The following S100A5 variants were observed in gnomAD, a reference collection of about 807,000 sequenced individuals.
The protein encoded by S100A5 is protein S100-A5.
In S100A5, 5 loss-of-function variants were observed where a neutral mutation model predicts 6.7. The ratio of observed to expected loss-of-function variants is 0.75; its 90% CI spans 0.39 to 1.57. The LOEUF is 1.57. S100A5 is among the 40% of genes most tolerant of loss of function. The pLI is 0.03. For synonymous variants in S100A5, 49 were observed against 44.9 expected (o/e 1.09, Z -0.37); for missense variants, 129 against 110.8 (o/e 1.16, Z -0.74).
chr1:153,541,608 T>TGGG, upstream of S100A5: 3 of 1,203,796 alleles, frequency 2.5e-6, no homozygotes, highest in South Asian at 4.5e-5. Flanking sequence ...AAACAAGGGC[T>TGGG]GGGGACACAC....
chr1:153,541,535 C>A, upstream of S100A5: 1 of 1,318,886 alleles, frequency 7.6e-7, no homozygotes, highest in African/African-American at 1.5e-5. Context: ...ATGCCCACGT[C>A]AGAGCCTCCC....
upstream of S100A5, chr1:153,541,324 C>T (rs974031641): frequency 4.8e-5 from 62 of 1,297,256 alleles, no homozygotes; most frequent in Non-Finnish European, 6.3e-5. Context: ...TTGTCACCCT[C>T]ATCATCCAGC....
chr1:153,541,477 A>G (rs1296400244), upstream of S100A5: 1 of 1,366,606 alleles, frequency 7.3e-7, no homozygotes, highest in Non-Finnish European at 9.8e-7. Context: ...TGTCCCTAGG[A>G]ATCCAGGGGA....
rs1031786902 is a variant in S100A5, at chr1:153,540,845, T to G, written c.-239A>C. The stretch of plus-strand genomic sequence containing the variant: ...AGGGGGCCTCTTGAAATCTCCAGGA[T>G]CATTCCAAAACCTGGATCCAGAGGC... On this transcript the variant is annotated 5_prime_UTR_variant, in exon 1 of 3. Transcript: ENST00000368717. 3.3e-5 allele frequency among the ~76,000 whole-genome samples: 5 copies of G among 152,062 alleles called. No individual in the cohort carries two copies. In the East Asian group the frequency reaches 9.7e-4, roughly 29 times the overall value.
chr1:153,542,262 A>G (rs375582545), upstream of S100A5, among the ~76,000 whole-genome samples: 18 of 152,302 alleles, frequency 1.2e-4, no homozygotes, highest in East Asian at 2.3e-3. Flanking sequence ...TGTAGTACCT[A>G]TCACTGCTGC....
upstream of S100A5, chr1:153,541,462 A>G (rs755199522): frequency 7.3e-7 from 1 of 1,367,486 alleles, no homozygotes; most frequent in South Asian, 1.1e-5. Context: ...TATTTCCCTG[A>G]TCTCTGTCCC....
At chr1:153,539,002 T>C (rs73026308) in intron 2 of S100A5, among the ~76,000 whole-genome samples, 5,628 of 152,122 alleles carry the variant, frequency 0.037, 361 homozygotes, top group African/African-American at 0.13. Flanking sequence ...TGGTGGTATT[T>C]GCTTGTAGTC....
At chr1:153,537,746 C>T (rs1251674141) in intron 2 of S100A5, among the ~76,000 whole-genome samples, 1 of 152,182 alleles carries the variant, frequency 6.6e-6, no homozygotes, top group African/African-American at 2.4e-5. Context: ...ATACCAACAC[C>T]TGATAAAAAC....
At chr1:153,541,304 T>C (rs1476539202), upstream of S100A5, 1 of 1,159,528 alleles carries the variant, frequency 8.6e-7, no homozygotes, top group African/African-American at 1.6e-5. Flanking sequence ...TTGGTGGAGG[T>C]CACCACCACT....
intron 2 of S100A5, among the ~76,000 whole-genome samples, chr1:153,538,184 G>T (rs944819836): frequency 1.3e-5 from 2 of 152,190 alleles, no homozygotes; most frequent in Non-Finnish European, 2.9e-5. Flanking sequence ...AGTGCACTGG[G>T]GCTGTGAAGC....
upstream of S100A5, chr1:153,541,320 C>T: frequency 2.3e-6 from 3 of 1,291,146 alleles, no homozygotes; most frequent in Non-Finnish European, 3.2e-6. Flanking sequence ...CCACTTGTCA[C>T]CCTCATCATC....
At chr1:153,539,489 T>TTATC (rs1553214745) in intron 2 of S100A5, among the ~76,000 whole-genome samples, 7 of 139,402 alleles carry the variant, frequency 5.0e-5, no homozygotes, top group African/African-American at 2.0e-4. Context: ...ATTTATTTAT[T>TTATC]TATCCTCGGG....
chr1:153,538,441 GTGA>G (rs1221330027), intron 2 of S100A5, among the ~76,000 whole-genome samples: 2 of 152,184 alleles, frequency 1.3e-5, no homozygotes, highest in African/African-American at 4.8e-5. Context: ...TGTCTGTCAC[GTGA>G]TCCTAGTCCC....
upstream of S100A5, among the ~76,000 whole-genome samples, chr1:153,542,326 C>T (rs1665414671): frequency 6.6e-6 from 1 of 152,210 alleles, no homozygotes; most frequent in African/African-American, 2.4e-5. Flanking sequence ...CACCCCACCC[C>T]CAGCTGGCAA....
chr1:153,542,437 G>T (rs959671859), upstream of S100A5, among the ~76,000 whole-genome samples: 2 of 152,212 alleles, frequency 1.3e-5, no homozygotes, highest in Non-Finnish European at 2.9e-5. Flanking sequence ...CAGGGAGGGT[G>T]GATGGAGAGG....
chr1:153,537,570 G>A lies in S100A5; in HGVS notation c.139-134C>T, dbSNP rs28685060. 6.6e-3 allele frequency: 7,425 copies of A among 1,124,494 alleles called. 371 individuals are homozygous for A. In the African/African-American group the frequency reaches 0.099, roughly 15 times the overall value. 69.7% of individuals were successfully genotyped at this position (1,124,494 alleles called of 1,614,324 possible). A position where few individuals can be genotyped will look rare whatever the true frequency, so the allele number is the denominator to read the frequency against. On this transcript the variant is annotated intron_variant, in intron 2 of 2. Coordinates refer to ENST00000368717, the MANE Select transcript of S100A5 (RefSeq NM_001394232.1). ...GAGTCAATGACACTGTCAGCATCTCGACCCCCAGAGTCTGCCCACTGCCCA... is the reference window on the plus strand; with the variant it reads ...GAGTCAATGACACTGTCAGCATCTCAACCCCCAGAGTCTGCCCACTGCCCA...
chr1:153,539,378 G>A (rs1219932278), intron 2 of S100A5, among the ~76,000 whole-genome samples: 1 of 119,050 alleles, frequency 8.4e-6, no homozygotes, highest in African/African-American at 3.2e-5. Flanking sequence ...AGTGAGCCAA[G>A]ATCATGTCAC....
At chr1:153,537,491 C>T (rs1377040855) in intron 2 of S100A5, 55 bp from the exon 3 acceptor site, 5 of 1,602,066 alleles carry the variant, frequency 3.1e-6, no homozygotes, top group African/African-American at 2.7e-5. Flanking sequence ...GCCCTGCCCT[C>T]GCACCACTGC....
intron 2 of S100A5, among the ~76,000 whole-genome samples, chr1:153,537,972 G>C (rs1665239755): frequency 6.6e-6 from 1 of 151,974 alleles, no homozygotes; most frequent in Non-Finnish European, 1.5e-5. Context: ...GCTTGAACTT[G>C]AGAAGCGGAG....
Sources: allele counts gnomAD v4.1 joint callset (sites outside exome capture counted in the v4.1 genomes callset), GRCh38; gene constraint gnomAD v4.1.1; transcripts MANE v1.5; gene names NCBI Gene and HGNC (gene_info 2026-07-23, HGNC 2026-07-21).